GPR155: variants seen among roughly 807,000 people sequenced by gnomAD.
The protein encoded by GPR155 is lysosomal cholesterol signaling protein.
Under a neutral mutation model 93.1 loss-of-function variants are expected in GPR155, and 65 were observed. That is an observed-to-expected ratio of 0.70 (90% CI 0.57 to 0.86). The LOEUF (loss-of-function observed/expected upper bound fraction) is 0.86. Ranked by LOEUF, GPR155 falls within the 40% of genes least tolerant of loss-of-function variation. The pLI is 0.00. For missense variants in GPR155, 838 were observed against 1,034.8 expected, an observed-to-expected ratio of 0.81 and a Z score of 2.61; for synonymous variants, 319 against 360.1, an observed-to-expected ratio of 0.89 and a Z score of 1.29.
chr2:174,468,409 GT>G (rs1403382693), intron 5 of GPR155, among the ~76,000 whole-genome samples: 3 of 152,080 alleles, frequency 2.0e-5, no homozygotes, highest in Non-Finnish European at 2.9e-5. Flanking sequence ...GATATATTCA[GT>G]TTGAGAAGTA....
chr2:174,439,897 C>T lies in GPR155; in HGVS notation c.2312+1G>A. ...AGAACCTGTACTGGCACTTTGCTTA[C>T]CTTCTTTCTTTGACAATGTTTCGGA... On this transcript the variant is annotated splice_donor_variant, in intron 15 of 15. Transcript: ENST00000392552. LOFTEE classifies it high-confidence loss of function. 1 of 1,612,046 alleles carries T rather than the reference C, an allele frequency of 6.2e-7. No individual in the cohort carries two copies.
At chr2:174,473,745 TGGAAAGAACAG>T (rs1688066715) in intron 2 of GPR155, among the ~76,000 whole-genome samples, 1 of 152,112 alleles carries the variant, frequency 6.6e-6, no homozygotes, top group African/African-American at 2.4e-5. Context: ...TTGGTATCCA[TGGAAAGAACAG>T]TTTTACTGGA....
In GPR155 at chr2:174,435,136, G is replaced by A. The variant is rs1466340075; in HGVS notation, c.*980C>T. On this transcript the variant is annotated 3_prime_UTR_variant, in exon 16 of 16. Coordinates refer to ENST00000392552, the MANE Select transcript of GPR155 (RefSeq NM_152529.7). ...ATAGGATATTAATTTTGAAATTATA[G>A]TAAACAGTTGCAGAAAGCAATGATT... The A allele has an allele frequency of 6.6e-6, 1 of 152,118 alleles. No individual in the cohort carries two copies. Among genetic ancestry groups the A allele is most frequent in the Admixed American group, 6.6e-5 (1 of 15,266 alleles). 9.4% of individuals were successfully genotyped at this position (152,118 alleles called of 1,614,324 possible). A position where few individuals can be genotyped will look rare whatever the true frequency, so the allele number is the denominator to read the frequency against.
At chr2:174,447,345 T>G (rs1480437557) in intron 11 of GPR155, among the ~76,000 whole-genome samples, 2 of 147,098 alleles carry the variant, frequency 1.4e-5, no homozygotes, top group African/African-American at 4.9e-5. Flanking sequence ...TAATAAAAAA[T>G]TATATATAAT....
chr2:174,453,915 G>C (rs1296883006), intron 10 of GPR155, 74 bp from the exon 11 acceptor site: 1 of 1,020,556 alleles, frequency 9.8e-7, no homozygotes. Context: ...AAATGCCAAA[G>C]AAAACAAAAC....
intron 11 of GPR155, among the ~76,000 whole-genome samples, chr2:174,452,902 G>A (rs747449905): frequency 1.1e-4 from 17 of 152,178 alleles, no homozygotes; most frequent in Middle Eastern, 3.4e-3. Context: ...CACCCGCCTC[G>A]GCCTCCCAAA....
intron 4 of GPR155, 43 bp downstream of exon 4, chr2:174,470,347 C>T: frequency 6.9e-7 from 1 of 1,450,258 alleles, no homozygotes; most frequent in Non-Finnish European, 9.3e-7. Context: ...AAATTTTTTT[C>T]GACTAAACAC....
At chr2:174,441,919 T>C (rs565752113) in intron 14 of GPR155, among the ~76,000 whole-genome samples, 200 bp downstream of exon 14, 1 of 85,454 alleles carries the variant, frequency 1.2e-5, no homozygotes, top group African/African-American at 3.1e-5. Flanking sequence ...ATTTTTGTAT[T>C]TTTTTTTTTG....
chr2:174,442,010 A>T (rs1262872977), intron 14 of GPR155, 109 bp downstream of exon 14: 3 of 697,020 alleles, frequency 4.3e-6, no homozygotes, highest in Admixed American at 4.9e-5. Context: ...GGCCTCCCAA[A>T]GTACTGGGAT....
intron 2 of GPR155, among the ~76,000 whole-genome samples, chr2:174,477,687 C>T (rs1463321259): frequency 6.6e-6 from 1 of 151,746 alleles, no homozygotes; most frequent in African/African-American, 2.4e-5. Flanking sequence ...TTTTTAAAAC[C>T]TGAAAAAATA....
rs995750765 is a variant in GPR155, at chr2:174,445,307, G to C, written c.2014-131C>G. The C allele has an allele frequency of 5.0e-6, 3 of 595,794 alleles. No individual in the cohort carries two copies. The African/African-American group carries it at 5.6e-5, about 11-fold the overall frequency. 36.9% of individuals were successfully genotyped at this position (595,794 alleles called of 1,614,324 possible). A position where few individuals can be genotyped will look rare whatever the true frequency, so the allele number is the denominator to read the frequency against. ...AAGACTAGACGGAAAAACACTGAGA[G>C]AATATAGAGGCTTTATCTTTTCAAT... On this transcript the variant is annotated intron_variant, in intron 12 of 15. Transcript: ENST00000392552.
At chr2:174,469,914 TAC>T (rs1364021277) in intron 4 of GPR155, among the ~76,000 whole-genome samples, 1 of 152,156 alleles carries the variant, frequency 6.6e-6, no homozygotes, top group Non-Finnish European at 1.5e-5. Context: ...CAGGCTGGAG[TAC>T]AGTGGTGCAA....
chr2:174,468,796 A>G (rs1176693868), intron 5 of GPR155, 116 bp downstream of exon 5: 2 of 876,164 alleles, frequency 2.3e-6, no homozygotes, highest in Non-Finnish European at 3.6e-6. Flanking sequence ...TTTTATGGGC[A>G]GGCTTTAGCT....
At chr2:174,463,483 G>A (rs1239462307) in intron 7 of GPR155, among the ~76,000 whole-genome samples, 1 of 152,234 alleles carries the variant, frequency 6.6e-6, no homozygotes, top group African/African-American at 2.4e-5. Context: ...TTACAGGCAT[G>A]AGCCACTGTG....
intron 3 of GPR155, 113 bp downstream of exon 3, chr2:174,472,852 A>G: frequency 1.3e-6 from 1 of 771,376 alleles, no homozygotes; most frequent in Non-Finnish European, 2.1e-6. Context: ...CTATTCTACA[A>G]GGAGGGGTTA....
Position 174,481,962 on chromosome 2 carries a change from C to A in GPR155, c.-6G>T, listed in dbSNP as rs1688338563. On this transcript the variant is annotated 5_prime_UTR_variant, in exon 2 of 16. Transcript: ENST00000392552. ...GCAGGTAAATTAGAATTCATTTTCT[C>A]TCACCCTCCAACTCCAACCAGATCT... 1.3e-6 allele frequency: 2 copies of A among 1,587,818 alleles called. No homozygotes were observed. Among genetic ancestry groups the A allele is most frequent in the African/African-American group, 1.3e-5 (1 of 74,470 alleles).
At chr2:174,449,299 T>C (rs979283408) in intron 11 of GPR155, among the ~76,000 whole-genome samples, 1 of 152,158 alleles carries the variant, frequency 6.6e-6, no homozygotes, top group African/African-American at 2.4e-5. Flanking sequence ...ATTAGTTCAG[T>C]CACTGTGGAA....
At chr2:174,441,607 G>A (rs1686962596) in intron 14 of GPR155, among the ~76,000 whole-genome samples, 1 of 151,708 alleles carries the variant, frequency 6.6e-6, no homozygotes, top group Non-Finnish European at 1.5e-5. Flanking sequence ...GACAGGCCCC[G>A]GTGTGTGATG....
At chr2:174,444,948 C>G (rs1008437276) in intron 13 of GPR155, 133 bp downstream of exon 13, 2 of 607,354 alleles carry the variant, frequency 3.3e-6, no homozygotes, top group Non-Finnish European at 5.9e-6. Flanking sequence ...ATACCAGCAG[C>G]TGGCAAACAA....
Sources: gnomAD v4.1 joint callset for allele counts (sites outside exome capture counted in the v4.1 genomes callset) on GRCh38, gnomAD v4.1.1 for gene constraint, MANE v1.5 for transcripts, NCBI Gene and HGNC (gene_info 2026-07-23, HGNC 2026-07-21) for gene names.